ACMSD: variants seen among roughly 807,000 people sequenced by gnomAD.
ACMSD encodes aminocarboxymuconate semialdehyde decarboxylase.
Under a neutral mutation model 45.9 loss-of-function variants are expected in ACMSD, and 37 were observed. The observed-to-expected ratio is 0.81, with a 90% CI of 0.62 to 1.06. The LOEUF is 1.06. ACMSD is among the 50% of genes least tolerant of loss of function. The pLI is 0.00. For synonymous variants in ACMSD, 138 were observed against 148.8 expected (o/e 0.93, Z 0.53); for missense variants, 434 against 420.9 (o/e 1.03, Z -0.27).
At chr2:134,875,891 C>G (rs1041922124) in intron 8 of ACMSD, among the ~76,000 whole-genome samples, 2 of 152,182 alleles carry the variant, frequency 1.3e-5, no homozygotes, top group Non-Finnish European at 2.9e-5. Context: ...TCACAGTGCC[C>G]TTACACAAAC....
In ACMSD at chr2:134,841,510, GA is replaced by G. The variant is rs142841305; in HGVS notation, c.57+2780del. On this transcript the variant is annotated intron_variant, in intron 1 of 9. Coordinates refer to ENST00000356140, the MANE Select transcript of ACMSD (RefSeq NM_138326.3). ...AGTCAGAGTTACAAGTAGGGTTCTT[GA>G]AAAAAAAACATATCTGACGTATAAA... 6.8e-3 allele frequency among the ~76,000 whole-genome samples: 1,018 copies of G among 150,546 alleles called. 6 individuals are homozygous for G. Among genetic ancestry groups the G allele is most frequent in the African/African-American group, 0.013 (539 of 41,030 alleles).
At chr2:134,861,479 C>A (rs1477755051) in intron 3 of ACMSD, among the ~76,000 whole-genome samples, 6 of 152,118 alleles carry the variant, frequency 3.9e-5, no homozygotes, top group Non-Finnish European at 8.8e-5. Context: ...TTAATCCCTA[C>A]AACAACCCTA....
intron 2 of ACMSD, among the ~76,000 whole-genome samples, chr2:134,850,049 G>A (rs1431584835): frequency 4.6e-5 from 7 of 150,986 alleles, no homozygotes; most frequent in South Asian, 2.1e-4. Flanking sequence ...TAATTCTGTC[G>A]GACTCCTCAC....
At chr2:134,880,680 G>A (rs1038202435) in intron 8 of ACMSD, among the ~76,000 whole-genome samples, 44 of 151,836 alleles carry the variant, frequency 2.9e-4, no homozygotes, top group African/African-American at 1.0e-3. Flanking sequence ...TAGGAAGTTT[G>A]ATTATCCCTG....
intron 2 of ACMSD, among the ~76,000 whole-genome samples, chr2:134,846,413 A>AT (rs929248919): frequency 2.6e-5 from 4 of 151,934 alleles, no homozygotes; most frequent in Non-Finnish European, 5.9e-5. Context: ...TTAATTATTA[A>AT]TTTTTTTAAG....
At chr2:134,844,298 C>T (rs370655227) in intron 1 of ACMSD, 5 of 152,106 alleles carry the variant, frequency 3.3e-5, no homozygotes, top group Non-Finnish European at 7.3e-5. Context: ...ACTTAATACA[C>T]GGGAGACATT....
intron 8 of ACMSD, among the ~76,000 whole-genome samples, chr2:134,881,797 GC>G (rs1311011182): frequency 6.6e-6 from 1 of 151,952 alleles, no homozygotes; most frequent in East Asian, 1.9e-4. Flanking sequence ...AGACCAGCCT[GC>G]CCAACATGGT....
intron 8 of ACMSD, among the ~76,000 whole-genome samples, chr2:134,891,752 T>G (rs1042956482): frequency 6.6e-6 from 1 of 152,014 alleles, no homozygotes; most frequent in African/African-American, 2.4e-5. Flanking sequence ...GGAAAAGAAA[T>G]CATAATAGCA....
In ACMSD at chr2:134,838,634, T is replaced by C. The variant is rs781161029; in HGVS notation, c.-49T>C. On this transcript the variant is annotated 5_prime_UTR_variant, in exon 1 of 10. Transcript: ENST00000356140. The stretch of plus-strand genomic sequence containing the variant: ...TAACTCCACAGTTTTCACAAAGGTC[T>C]CTTGATATCAAAACTTCTTTCCTTG... The C allele has an allele frequency of 6.6e-7, 1 of 1,516,376 alleles. No homozygotes were observed. Among genetic ancestry groups the C allele is most frequent in the South Asian group, 1.1e-5 (1 of 86,996 alleles). 93.9% of individuals were successfully genotyped at this position (1,516,376 alleles called of 1,614,324 possible).
intron 8 of ACMSD, among the ~76,000 whole-genome samples, chr2:134,892,157 A>C (rs1222463593): frequency 6.6e-6 from 1 of 152,110 alleles, no homozygotes; most frequent in Non-Finnish European, 1.5e-5. Context: ...TGGTTACACT[A>C]AAAGCCCAGA....
intron 2 of ACMSD, among the ~76,000 whole-genome samples, chr2:134,858,325 A>G (rs1687675185): frequency 6.6e-6 from 1 of 152,188 alleles, no homozygotes. Flanking sequence ...AAAAAAGTCT[A>G]ACTCACAGAA....
chr2:134,860,928 G>A (rs1687820410), intron 3 of ACMSD, among the ~76,000 whole-genome samples: 1 of 151,398 alleles, frequency 6.6e-6, no homozygotes, highest in African/African-American at 2.4e-5. Flanking sequence ...TACTCAGGAG[G>A]CTGAGGTGGG....
Position 134,847,443 on chromosome 2 carries a change from GATAGATAT to G in ACMSD, c.102+2168_102+2175del, listed in dbSNP as rs1559039307. On this transcript the variant is annotated intron_variant, in intron 2 of 9. Transcript: ENST00000356140. ...AGATAGATAGATAGATAGATAGATA[GATAGATAT>G]AGATAGAGATAGAGATAGATATATA... Among the ~76,000 whole-genome samples, 898 of 142,410 alleles carry G rather than the reference GATAGATAT, an allele frequency of 6.3e-3. 22 individuals are homozygous for G. The East Asian group carries it at 0.099, about 16-fold the overall frequency. 93.4% of individuals were successfully genotyped at this position (142,410 alleles called of 152,430 possible). A position where few individuals can be genotyped will look rare whatever the true frequency, so the allele number is the denominator to read the frequency against.
intron 8 of ACMSD, among the ~76,000 whole-genome samples, chr2:134,885,101 T>C (rs1363563181): frequency 6.7e-6 from 1 of 149,752 alleles, no homozygotes; most frequent in Non-Finnish European, 1.5e-5. Flanking sequence ...GAGGATGAGG[T>C]GAGAGGATCA....
intron 2 of ACMSD, among the ~76,000 whole-genome samples, chr2:134,852,764 C>G (rs960642954): frequency 3.3e-5 from 5 of 152,082 alleles, no homozygotes; most frequent in African/African-American, 9.7e-5. Flanking sequence ...CTCTGCACCT[C>G]GAGCCCAACC....
chr2:134,895,426 T>A (rs565354369), intron 8 of ACMSD, among the ~76,000 whole-genome samples: 1 of 150,080 alleles, frequency 6.7e-6, no homozygotes, highest in Middle Eastern at 3.5e-3. Flanking sequence ...AGACATTCCA[T>A]GTTCATTGAT....
chr2:134,874,700 T>C (rs1384045459), intron 8 of ACMSD, among the ~76,000 whole-genome samples: 1 of 151,748 alleles, frequency 6.6e-6, no homozygotes, highest in Non-Finnish European at 1.5e-5. Flanking sequence ...AAGGAAATAA[T>C]CAACTCCAAG....
At chr2:134,899,510 T>C (rs1341408596) in intron 9 of ACMSD, among the ~76,000 whole-genome samples, 1 of 151,972 alleles carries the variant, frequency 6.6e-6, no homozygotes, top group African/African-American at 2.4e-5. Flanking sequence ...AGGTTGAAAA[T>C]GAAAAACTTT....
intron 6 of ACMSD, among the ~76,000 whole-genome samples, chr2:134,870,223 GC>G (rs1316790715): frequency 6.6e-6 from 1 of 152,172 alleles, no homozygotes; most frequent in African/African-American, 2.4e-5. Flanking sequence ...AGGGATGAAG[GC>G]ATTAGACATG....
Sources: allele counts gnomAD v4.1 joint callset (sites outside exome capture counted in the v4.1 genomes callset), GRCh38; gene constraint gnomAD v4.1.1; transcripts MANE v1.5; gene names NCBI Gene and HGNC (gene_info 2026-07-23, HGNC 2026-07-21).